The following CPB2 variants were observed in gnomAD, a reference collection of about 807,000 sequenced individuals.
CPB2 encodes the protein carboxypeptidase B-like protein.
A neutral mutation model predicts 57.0 loss-of-function variants in CPB2; 54 were observed. The ratio of observed to expected loss-of-function variants is 0.95; its 90% CI spans 0.76 to 1.19. CPB2 has a LOEUF of 1.19. CPB2 is among the 50% of genes most tolerant of loss of function. The probability of loss-of-function intolerance (pLI) is 0.00; values close to 1 mark genes in which losing one functional copy is unlikely to be tolerated. For synonymous variants in CPB2, 189 were observed against 178.1 expected (o/e 1.06, Z -0.49); for missense variants, 426 against 512.0 (o/e 0.83, Z 1.62).
intron 8 of CPB2, among the ~76,000 whole-genome samples, chr13:46,061,135 C>T (rs563259112): frequency 6.6e-6 from 1 of 151,816 alleles, no homozygotes; most frequent in Non-Finnish European, 1.5e-5. Flanking sequence ...TGTGAATGTA[C>T]TTAATGCCAC....
At chr13:46,098,296 G>A (rs2045392331) in intron 1 of CPB2, 1 of 152,204 alleles carries the variant, frequency 6.6e-6, no homozygotes, top group Non-Finnish European at 1.5e-5. Context: ...AACGGGTAGG[G>A]GAGAAGAGGA....
At position 46,103,805 on chromosome 13, in the gene CPB2, A is replaced by C. The variant is rs559800732; in HGVS notation, c.74+1131T>G. On this transcript the variant is annotated intron_variant, in intron 1 of 10. Transcript: ENST00000181383. ...ACTGAAGCCAATTATCAAGTTATGG[A>C]ATATTAGAACTAGCAAGAACCTTAG... 2.6e-5 allele frequency among the ~76,000 whole-genome samples: 4 copies of C among 152,276 alleles called. No individual in the cohort carries two copies. The South Asian group carries it at 8.3e-4, about 32-fold the overall frequency.
intron 2 of CPB2, among the ~76,000 whole-genome samples, chr13:46,085,017 A>AT: frequency 6.6e-6 from 1 of 151,510 alleles, no homozygotes; most frequent in South Asian, 2.1e-4. Context: ...CGCCCGGCTA[A>AT]TTTTTTGTAT....
intron 2 of CPB2, 131 bp downstream of exon 2, chr13:46,087,614 A>C: frequency 1.5e-6 from 1 of 650,080 alleles, no homozygotes; most frequent in Non-Finnish European, 2.7e-6. Flanking sequence ...GATTATGAGA[A>C]GGGAGAGAAG....
chr13:46,088,505 G>A (rs9534317), intron 1 of CPB2, among the ~76,000 whole-genome samples: 55,319 of 151,900 alleles, frequency 0.36, 10,327 homozygotes, highest in African/African-American at 0.43. Flanking sequence ...TAGTTCACAC[G>A]TGAAAGCATT....
At chr13:46,055,941 A>C (rs967109498) in intron 9 of CPB2, 92 bp from the exon 10 acceptor site, 1 of 691,022 alleles carries the variant, frequency 1.4e-6, no homozygotes, top group African/African-American at 1.8e-5. Flanking sequence ...CATTAATTGA[A>C]TCAAAGTATA....
chr13:46,089,768 A>G (rs2045264197), intron 1 of CPB2, among the ~76,000 whole-genome samples: 1 of 152,130 alleles, frequency 6.6e-6, no homozygotes, highest in African/African-American at 2.4e-5. Context: ...GGTTCTGTCT[A>G]TGCGGAAGAT....
chr13:46,095,852 T>C (rs1057131554), intron 1 of CPB2, among the ~76,000 whole-genome samples: 1 of 150,568 alleles, frequency 6.6e-6, no homozygotes, highest in African/African-American at 2.4e-5. Context: ...GAAACTCTTC[T>C]GATGTGTGAC....
intron 1 of CPB2, among the ~76,000 whole-genome samples, chr13:46,092,304 A>G (rs1473564972): frequency 6.6e-6 from 1 of 152,164 alleles, no homozygotes; most frequent in African/African-American, 2.4e-5. Flanking sequence ...CTCGGAACAG[A>G]AAAAGAGCTT....
chr13:46,055,691 A>G, intron 10 of CPB2, 71 bp downstream of exon 10: 1 of 886,214 alleles, frequency 1.1e-6, no homozygotes, highest in Middle Eastern at 2.3e-4. Context: ...TTAAATACAC[A>G]AAGAAAAACA....
chr13:46,057,740 T>A (rs527443674), intron 9 of CPB2, among the ~76,000 whole-genome samples: 2 of 152,298 alleles, frequency 1.3e-5, no homozygotes, highest in East Asian at 3.9e-4. Flanking sequence ...GTTAGGGAAG[T>A]CAGGGCAGGA....
chr13:46,058,272 C>T lies in CPB2; in HGVS notation c.906G>A (p.Gln302=), dbSNP rs558696589. 3.7e-6 allele frequency: 6 copies of T among 1,614,016 alleles called. No individual in the cohort carries two copies. The South Asian group carries it at 6.6e-5, about 18-fold the overall frequency. ...AATGCATGCTGATGTATGCTTTAAT[C>T]TGGTTGATATTTCTTCTCAAGAAAC... The part of the protein sequence containing the change: ...VASFLRRNIN[Q]IKAYISMHSY... The change falls in exon 9 of 11, where the codon CAG becomes CAA. Residue 302 remains glutamine, a synonymous_variant. Transcript: ENST00000181383.
chr13:46,072,394 A>G (rs2044956088), intron 6 of CPB2, among the ~76,000 whole-genome samples: 1 of 152,120 alleles, frequency 6.6e-6, no homozygotes, highest in Non-Finnish European at 1.5e-5. Context: ...AGATGATCTG[A>G]ATTAGTTTTA....
At chr13:46,072,576 C>T (rs2146886) in intron 6 of CPB2, among the ~76,000 whole-genome samples, 119,924 of 152,050 alleles carry the variant, frequency 0.79, 47,645 homozygotes, top group African/African-American at 0.88. Context: ...CATAGGCAAT[C>T]TATAAATATT....
intron 1 of CPB2, among the ~76,000 whole-genome samples, chr13:46,095,739 A>G (rs1008505788): frequency 1.3e-5 from 2 of 152,090 alleles, no homozygotes; most frequent in African/African-American, 4.8e-5. Flanking sequence ...GTGCTCTGAA[A>G]TCTGTCCCTG....
intron 2 of CPB2, among the ~76,000 whole-genome samples, chr13:46,086,368 A>C (rs768320864): frequency 1.2e-3 from 189 of 152,226 alleles, no homozygotes; most frequent in Non-Finnish European, 2.1e-3. Context: ...AGCTTTACTG[A>C]GTAATAGAAC....
chr13:46,085,414 T>C (rs1389324340), intron 2 of CPB2, among the ~76,000 whole-genome samples: 1 of 152,158 alleles, frequency 6.6e-6, no homozygotes, highest in Non-Finnish European at 1.5e-5. Context: ...AGTTGGCTGG[T>C]GTTTTCAGTG....
At position 46,053,465 on chromosome 13, in the gene CPB2, C is replaced by G; in HGVS notation, c.*149G>C. 1 of 1,218,158 alleles carries G rather than the reference C, an allele frequency of 8.2e-7. No individual in the cohort carries two copies. The highest frequency in any genetic ancestry group is 1.1e-6 in the Non-Finnish European group (1 of 902,522). The allele number at this position is 1,218,158 out of a possible 1,614,324, so 75.5% of individuals were successfully genotyped here. On this transcript the variant is annotated 3_prime_UTR_variant, in exon 11 of 11. Transcript: ENST00000181383. ...CTAGTCTGCCTTAATGGCAAAGTAG[C>G]ACTTATTAGGTTCTCTGACAGAACC...
chr13:46,054,057 A>G (rs2044641316), intron 10 of CPB2, among the ~76,000 whole-genome samples: 7 of 152,214 alleles, frequency 4.6e-5, no homozygotes, highest in Admixed American at 4.6e-4. Flanking sequence ...TCCCAAATGG[A>G]CGTCAAAAGA....
Sources: gnomAD v4.1 joint callset for allele counts (sites outside exome capture counted in the v4.1 genomes callset) on GRCh38, gnomAD v4.1.1 for gene constraint, MANE v1.5 for transcripts, NCBI Gene and HGNC (gene_info 2026-07-23, HGNC 2026-07-21) for gene names.